The following EIF2A variants were observed in gnomAD, a reference collection of about 807,000 sequenced individuals.
EIF2A encodes eukaryotic translation initiation factor 2A.
In EIF2A, 62 loss-of-function variants were observed where a neutral mutation model predicts 75.2. The ratio of observed to expected loss-of-function variants is 0.82; its 90% CI spans 0.67 to 1.02. The LOEUF (loss-of-function observed/expected upper bound fraction) is 1.02. EIF2A is among the 50% of genes least tolerant of loss of function. The probability of loss-of-function intolerance (pLI) is 0.00; values close to 1 mark genes in which losing one functional copy is unlikely to be tolerated. For synonymous variants in EIF2A, 207 were observed against 239.0 expected (o/e 0.87, Z 1.23); for missense variants, 611 against 677.7 (o/e 0.90, Z 1.09).
At chr3:150,567,289 A>T (rs6788851) in intron 6 of EIF2A, 126 of 157,256 alleles carry the variant, frequency 8.0e-4, no homozygotes, top group African/African-American at 3.0e-3. Context: ...CAGAATTTCC[A>T]TATCCACATT....
At position 150,572,401 on chromosome 3, in the gene EIF2A, G is replaced by A. The variant is rs1724585549; in HGVS notation, c.1255G>A (p.Gly419Arg). 1 of 1,613,882 alleles carries A rather than the reference G, an allele frequency of 6.2e-7. No homozygotes were observed. Among genetic ancestry groups the A allele is most frequent in the African/African-American group, 1.3e-5 (1 of 75,022 alleles). Residue 419 changes from glycine to arginine, a missense_variant, in exon 10 of 14, where the codon GGA (glycine) becomes AGA (arginine). Coordinates refer to ENST00000460851, the MANE Select transcript of EIF2A (RefSeq NM_032025.5). ...GGTTTCTTGGCAGCCATTTTTGGAT[G>A]GAATATTTCCAGCAAAAACAATAAC... Reference protein sequence around the residue: ...WQVSWQPFLDGIFPAKTITYQ... With the variant: ...WQVSWQPFLDRIFPAKTITYQ...
At chr3:150,556,213 A>G (rs962179487) in intron 2 of EIF2A, among the ~76,000 whole-genome samples, 3 of 152,190 alleles carry the variant, frequency 2.0e-5, no homozygotes, top group African/African-American at 7.2e-5. Context: ...ACATGACTGA[A>G]TCCAGTACAA....
chr3:150,580,628 A>G (rs1253597973), intron 11 of EIF2A, among the ~76,000 whole-genome samples: 1 of 152,150 alleles, frequency 6.6e-6, no homozygotes, highest in Admixed American at 6.6e-5. Context: ...TCAGCATACA[A>G]TATTTTTTAT....
rs1237636478 is a variant in EIF2A, at chr3:150,546,860, T to C, written c.28+30T>C. ...GTTCTGAAGAAGCGAGGGACTCTCT[T>C]TCTTCAGACTAGTTTCTTATTTTTG... is the stretch of plus-strand genomic sequence containing the variant. On this transcript the variant is annotated intron_variant, in intron 1 of 13. Transcript: ENST00000460851. The C allele has an allele frequency of 1.9e-6, 3 of 1,610,292 alleles. No homozygotes were observed. The South Asian group carries it at 3.3e-5, about 18-fold the overall frequency.
intron 3 of EIF2A, among the ~76,000 whole-genome samples, chr3:150,559,507 T>TTTC (rs1320322270): frequency 2.1e-3 from 309 of 148,858 alleles, no homozygotes; most frequent in Non-Finnish European, 3.9e-3. Flanking sequence ...CCTTTTTTTT[T>TTTC]TTTTTTTTTT....
chr3:150,571,137 T>C (rs966985156), intron 9 of EIF2A, among the ~76,000 whole-genome samples: 1 of 151,924 alleles, frequency 6.6e-6, no homozygotes, highest in Non-Finnish European at 1.5e-5. Flanking sequence ...TAAAATGACC[T>C]GTGTTTGTGG....
rs754604496 is a variant in EIF2A, at chr3:150,583,933, A to G, written c.*22A>G. 7.4e-6 allele frequency: 12 copies of G among 1,612,130 alleles called. No homozygotes were observed. Among genetic ancestry groups the G allele is most frequent in the Non-Finnish European group, 1.0e-5 (12 of 1,178,558 alleles). ...TTAAAGATTCACGGAAAGCAAGTTG[A>G]TGACCAGAAATCAGTGCAAACACAT... On this transcript the variant is annotated 3_prime_UTR_variant, in exon 14 of 14. Transcript: ENST00000460851.
chr3:150,584,494 A>AT lies in EIF2A; in HGVS notation c.*586dup. Among the ~76,000 whole-genome samples the AT allele has an allele frequency of 6.6e-6, 1 of 152,174 alleles. No individual in the cohort carries two copies. The highest frequency in any genetic ancestry group is 1.5e-5 in the Non-Finnish European group (1 of 68,036). On this transcript the variant is annotated 3_prime_UTR_variant, in exon 14 of 14. Coordinates refer to ENST00000460851, the MANE Select transcript of EIF2A (RefSeq NM_032025.5). ...CTCCTGTATCCTCAAGTAATGTATC[A>AT]TTTAGTAACACTAAGCACCCTGCTT...
At chr3:150,564,201 A>T in intron 5 of EIF2A, 98 bp from the exon 6 acceptor site, 1 of 910,734 alleles carries the variant, frequency 1.1e-6, no homozygotes, top group Non-Finnish European at 1.6e-6. Context: ...GTTTTTCCTT[A>T]AATGGTAACC....
intron 11 of EIF2A, among the ~76,000 whole-genome samples, chr3:150,578,342 T>C (rs1230112894): frequency 1.3e-5 from 2 of 148,644 alleles, no homozygotes; most frequent in African/African-American, 4.9e-5. Context: ...GTATTAATTA[T>C]ATAAATAATA....
chr3:150,555,321 A>G (rs1329076478), intron 2 of EIF2A, among the ~76,000 whole-genome samples: 1 of 151,814 alleles, frequency 6.6e-6, no homozygotes, highest in Non-Finnish European at 1.5e-5. Flanking sequence ...CAATGGTACA[A>G]TCTCGGCTCA....
chr3:150,568,497 A>C (rs1334833451), intron 9 of EIF2A, among the ~76,000 whole-genome samples: 1 of 152,236 alleles, frequency 6.6e-6, no homozygotes, highest in African/African-American at 2.4e-5. Flanking sequence ...TAGTTATTTG[A>C]GTTACGCCAT....
At chr3:150,550,818 C>T (rs1479780914) in intron 1 of EIF2A, among the ~76,000 whole-genome samples, 2 of 152,202 alleles carry the variant, frequency 1.3e-5, no homozygotes, top group Non-Finnish European at 2.9e-5. Context: ...AGGCATGTGC[C>T]ACCGTGCCCA....
At chr3:150,560,265 G>A (rs1275031962) in intron 3 of EIF2A, among the ~76,000 whole-genome samples, 2 of 152,140 alleles carry the variant, frequency 1.3e-5, no homozygotes, top group Non-Finnish European at 2.9e-5. Flanking sequence ...TCATTAAAGT[G>A]CTGTGACCAC....
intron 9 of EIF2A, among the ~76,000 whole-genome samples, chr3:150,570,627 G>A (rs1724453408): frequency 6.6e-6 from 1 of 151,022 alleles, no homozygotes; most frequent in South Asian, 2.1e-4. Flanking sequence ...ATTACTTACA[G>A]TAAAAGATGC....
At position 150,584,953 on chromosome 3, in the gene EIF2A, G is replaced by A. The variant is rs1576611881; in HGVS notation, c.*1042G>A. Among the ~76,000 whole-genome samples the A allele has an allele frequency of 6.7e-6, 1 of 149,062 alleles. No individual in the cohort carries two copies. On this transcript the variant is annotated 3_prime_UTR_variant, in exon 14 of 14. Transcript: ENST00000460851. ...CCACTACCACATTTTCCAGTTTTTT[G>A]TGTATCTTTCTAATGATAGATACCA...
In EIF2A at chr3:150,572,035, G is replaced by A. The variant is rs1724554924; in HGVS notation, c.889G>A (p.Ala297Thr). 2 of 1,613,782 alleles carry A rather than the reference G, an allele frequency of 1.2e-6. No homozygotes were observed. Among genetic ancestry groups the A allele is most frequent in the Admixed American group, 1.7e-5 (1 of 59,990 alleles). Residue 297 changes from alanine (A) to threonine (T), a missense_variant, in exon 10 of 14, where the codon GCC (alanine) becomes ACC (threonine). By Grantham distance (58) the Ala-to-Thr change is moderately conservative (BLOSUM62 0). Transcript: ENST00000460851. The stretch of plus-strand genomic sequence containing the variant: ...TTGTGCTGTATATGGTTTTATGCCT[G>A]CCAAAGCGACAATTTTCAACTTGAA... ...EFCAVYGFMP[A>T]KATIFNLKCD... is the part of the protein sequence containing the mutation.
intron 9 of EIF2A, among the ~76,000 whole-genome samples, chr3:150,569,333 A>G (rs144090909): frequency 1.5e-3 from 236 of 152,318 alleles, no homozygotes; most frequent in African/African-American, 5.5e-3. Context: ...TCAGAGAGAC[A>G]AACTATGACC....
Position 150,562,858 on chromosome 3 carries a change from A to G in EIF2A, c.292+198A>G, listed in dbSNP as rs1417198782. ...TGTATTGAAAGTAATTTCAAGGTAT[A>G]TGGTAAGTTAATGTAAAGAGCCATT... On this transcript the variant is annotated intron_variant, in intron 4 of 13. Coordinates refer to ENST00000460851, the MANE Select transcript of EIF2A (RefSeq NM_032025.5). 7 of 418,130 alleles carry G rather than the reference A, an allele frequency of 1.7e-5. No individual in the cohort carries two copies. In the East Asian group the frequency reaches 2.7e-4, roughly 16 times the overall value. 25.9% of individuals were successfully genotyped at this position (418,130 alleles called of 1,614,324 possible).
Sources: allele counts gnomAD v4.1 joint callset (sites outside exome capture counted in the v4.1 genomes callset), GRCh38; gene constraint gnomAD v4.1.1; transcripts MANE v1.5; gene names NCBI Gene and HGNC (gene_info 2026-07-23, HGNC 2026-07-21).